The following KHDRBS3 variants were observed in gnomAD, a reference collection of about 807,000 sequenced individuals.
KHDRBS3 encodes the protein KH RNA binding domain containing, signal transduction associated 3.
In KHDRBS3, 23 loss-of-function variants were observed where a neutral mutation model predicts 45.6. The ratio of observed to expected loss-of-function variants is 0.50; its 90% confidence interval spans 0.36 to 0.72. The LOEUF (loss-of-function observed/expected upper bound fraction) is 0.72. Ranked by LOEUF, KHDRBS3 falls within the 30% of genes least tolerant of loss-of-function variation. KHDRBS3 has a pLI of 0.00. For missense variants in KHDRBS3, 352 were observed against 424.8 expected (o/e 0.83, Z 1.51); for synonymous variants, 162 against 156.5 (o/e 1.04, Z -0.26).
downstream of KHDRBS3, among the ~76,000 whole-genome samples, chr8:135,652,067 G>A (rs1831441191): frequency 6.6e-6 from 1 of 152,084 alleles, no homozygotes; most frequent in East Asian, 1.9e-4. Flanking sequence ...ACAAATTTAA[G>A]GAATAAAGTT....
intron 7 of KHDRBS3, among the ~76,000 whole-genome samples, chr8:135,615,784 C>T (rs1454706766): frequency 6.6e-6 from 1 of 152,152 alleles, no homozygotes; most frequent in Non-Finnish European, 1.5e-5. Flanking sequence ...AAGTATACTG[C>T]ATATCCTGAG....
At chr8:135,482,664 G>A (rs1563711189) in intron 1 of KHDRBS3, among the ~76,000 whole-genome samples, 1 of 152,124 alleles carries the variant, frequency 6.6e-6, no homozygotes, top group Non-Finnish European at 1.5e-5. Flanking sequence ...GAAGCTTGCT[G>A]TTTGAGATGA....
intron 4 of KHDRBS3, among the ~76,000 whole-genome samples, chr8:135,554,174 A>G (rs567227978): frequency 5.8e-4 from 88 of 152,180 alleles, no homozygotes; most frequent in Non-Finnish European, 1.1e-3. Flanking sequence ...TGTTAAATGT[A>G]GTTTTTCAAA....
intron 1 of KHDRBS3, among the ~76,000 whole-genome samples, chr8:135,478,292 C>G (rs1416480580): frequency 4.6e-5 from 7 of 152,158 alleles, no homozygotes; most frequent in Admixed American, 4.6e-4. Context: ...CTGTGTTAAA[C>G]CACTAAGTTT....
intron 7 of KHDRBS3, among the ~76,000 whole-genome samples, chr8:135,621,491 T>C (rs1830136526): frequency 6.6e-6 from 1 of 152,222 alleles, no homozygotes. Flanking sequence ...TGATGTTTTC[T>C]ATTAGAATAT....
intron 1 of KHDRBS3, among the ~76,000 whole-genome samples, chr8:135,480,546 C>A (rs1279443136): frequency 1.3e-5 from 2 of 152,002 alleles, no homozygotes; most frequent in African/African-American, 4.8e-5. Flanking sequence ...TTGTAGAACC[C>A]TGTGTAAGTA....
chr8:135,466,346 AG>A (rs1446977825), intron 1 of KHDRBS3, among the ~76,000 whole-genome samples: 1 of 152,150 alleles, frequency 6.6e-6, no homozygotes, highest in African/African-American at 2.4e-5. Flanking sequence ...CTCATTTTAC[AG>A]GTAAGAAGTG....
Position 135,647,004 on chromosome 8 carries a change from TG to T in KHDRBS3, c.963del (p.Trp321Ter). On this transcript the variant is annotated frameshift_variant, in exon 9 of 9. Transcript: ENST00000355849. LOFTEE classifies it high-confidence loss of function. Reference sequence around the variant, plus strand: ...CTTACTGATTGTAGGGCAAGAAGAGTGGACTAACTCAAGACACAAGGCACCT... The same window carrying T: ...CTTACTGATTGTAGGGCAAGAAGAGTGACTAACTCAAGACACAAGGCACCT... ...ETYDSYGQEE[W>X]TNSRHKAPSA... 1 of 1,589,846 alleles carries T rather than the reference TG, an allele frequency of 6.3e-7. No individual in the cohort carries two copies. Among genetic ancestry groups the T allele is most frequent in the Non-Finnish European group, 8.6e-7 (1 of 1,158,222 alleles).
intron 7 of KHDRBS3, among the ~76,000 whole-genome samples, chr8:135,620,745 C>G (rs1297257834): frequency 6.6e-6 from 1 of 152,136 alleles, no homozygotes; most frequent in African/African-American, 2.4e-5. Flanking sequence ...ATCCAACAAC[C>G]CTCGGTGATT....
chr8:135,603,292 T>C (rs1044427013), intron 6 of KHDRBS3, among the ~76,000 whole-genome samples: 1 of 152,204 alleles, frequency 6.6e-6, no homozygotes, highest in Non-Finnish European at 1.5e-5. Context: ...AGGTGCTAAG[T>C]GATGAAGATT....
intron 1 of KHDRBS3, among the ~76,000 whole-genome samples, chr8:135,488,458 G>C (rs942505487): frequency 2.6e-5 from 4 of 152,096 alleles, no homozygotes; most frequent in Non-Finnish European, 5.9e-5. Context: ...TTTGCAGACC[G>C]ACTTCAGATT....
At chr8:135,626,472 C>G (rs1004191623) in intron 7 of KHDRBS3, among the ~76,000 whole-genome samples, 5 of 152,160 alleles carry the variant, frequency 3.3e-5, no homozygotes, top group African/African-American at 1.2e-4. Context: ...GCTGAAGCTT[C>G]CTGGCATGGT....
chr8:135,493,837 C>A (rs565053526), intron 1 of KHDRBS3, among the ~76,000 whole-genome samples: 1 of 152,208 alleles, frequency 6.6e-6, no homozygotes, highest in African/African-American at 2.4e-5. Flanking sequence ...AGTTTGTGTA[C>A]AATTGTTATC....
At chr8:135,571,504 A>G (rs1305636636) in intron 5 of KHDRBS3, among the ~76,000 whole-genome samples, 4 of 152,208 alleles carry the variant, frequency 2.6e-5, no homozygotes, top group Non-Finnish European at 5.9e-5. Flanking sequence ...AGAGTTTAAA[A>G]GGGGAAAATC....
chr8:135,646,190 G>A (rs1023480490), intron 8 of KHDRBS3, among the ~76,000 whole-genome samples: 1 of 151,888 alleles, frequency 6.6e-6, no homozygotes, highest in Non-Finnish European at 1.5e-5. Flanking sequence ...GGTCTCTGTG[G>A]ACACATGGCT....
intron 5 of KHDRBS3, among the ~76,000 whole-genome samples, chr8:135,568,223 G>A (rs1216778926): frequency 6.6e-6 from 1 of 151,992 alleles, no homozygotes; most frequent in African/African-American, 2.4e-5. Flanking sequence ...AATTTTCAAA[G>A]CCTAAAACCA....
At chr8:135,605,292 G>A (rs1250984345) in intron 6 of KHDRBS3, among the ~76,000 whole-genome samples, 3 of 151,914 alleles carry the variant, frequency 2.0e-5, no homozygotes, top group Non-Finnish European at 2.9e-5. Flanking sequence ...ATTTGATGCT[G>A]TCCCATAGGT....
chr8:135,559,551 C>T (rs916489357), intron 5 of KHDRBS3, among the ~76,000 whole-genome samples: 42 of 151,904 alleles, frequency 2.8e-4, no homozygotes, highest in African/African-American at 9.9e-4. Context: ...TTAATAGAGA[C>T]GGGGTTTCAC....
In KHDRBS3 at chr8:135,615,127, C is replaced by T. The variant is rs528651348; in HGVS notation, c.890+8090C>T. Among the ~76,000 whole-genome samples the T allele has an allele frequency of 2.6e-5, 4 of 151,738 alleles. 1 individual carries two copies. Among genetic ancestry groups the T allele is most frequent in the African/African-American group, 7.3e-5 (3 of 41,130 alleles). On this transcript the variant is annotated intron_variant, in intron 7 of 8. Transcript: ENST00000355849. ...GAGGGTGATCAGATATCATGGGTGG[C>T]GTGTTCTTGCTAAACTGGCTCAGCA...
Sources: gnomAD v4.1 joint callset for allele counts (sites outside exome capture counted in the v4.1 genomes callset) on GRCh38, gnomAD v4.1.1 for gene constraint, MANE v1.5 for transcripts, NCBI Gene and HGNC (gene_info 2026-07-23, HGNC 2026-07-21) for gene names.